Variants in EXOC6B observed in about 807,000 individuals in gnomAD.
EXOC6B encodes SEC15 homolog B.
A neutral mutation model predicts 113.5 loss-of-function variants in EXOC6B; 54 were observed. That is an observed-to-expected ratio of 0.48 (90% CI 0.38 to 0.60). The LOEUF (loss-of-function observed/expected upper bound fraction) is 0.60, where lower values mean the gene tolerates loss of function less well. Among genes scored for constraint, EXOC6B ranks in the 20% least tolerant of loss-of-function variants. The pLI is 0.00. For synonymous variants in EXOC6B, 357 were observed against 339.0 expected (o/e 1.05, Z -0.58); for missense variants, 797 against 977.5 (o/e 0.82, Z 2.46).
intron 6 of EXOC6B, among the ~76,000 whole-genome samples, chr2:72,580,401 C>T (rs1489840772): frequency 1.3e-5 from 2 of 152,030 alleles, no homozygotes; most frequent in Non-Finnish European, 2.9e-5. Context: ...ACTCGGCCTC[C>T]CAAAGTCCTG....
intron 6 of EXOC6B, among the ~76,000 whole-genome samples, chr2:72,634,802 T>A (rs929665683): frequency 1.3e-5 from 2 of 152,070 alleles, no homozygotes; most frequent in Admixed American, 6.6e-5. Flanking sequence ...AACAGAAAAA[T>A]ACCCATTCTT....
intron 20 of EXOC6B, among the ~76,000 whole-genome samples, chr2:72,249,774 A>G (rs1682891937): frequency 6.6e-6 from 1 of 152,202 alleles, no homozygotes; most frequent in South Asian, 2.1e-4. Flanking sequence ...TCAATGGTAC[A>G]GGAAAAAAAT....
chr2:72,292,124 A>G (rs1441117933), intron 20 of EXOC6B, among the ~76,000 whole-genome samples: 1 of 151,890 alleles, frequency 6.6e-6, no homozygotes. Context: ...TCCTGATTCC[A>G]TAGGTATCTG....
chr2:72,624,880 C>T (rs1260430096), intron 6 of EXOC6B, among the ~76,000 whole-genome samples: 2 of 152,040 alleles, frequency 1.3e-5, no homozygotes, highest in Non-Finnish European at 2.9e-5. Flanking sequence ...GAAACAGACA[C>T]CAGTAGGTTA....
intron 8 of EXOC6B, among the ~76,000 whole-genome samples, chr2:72,518,585 A>G (rs892029919): frequency 6.6e-6 from 1 of 151,936 alleles, no homozygotes; most frequent in African/African-American, 2.4e-5. Context: ...TAATTGACGA[A>G]TGAGTCAGAA....
intron 20 of EXOC6B, among the ~76,000 whole-genome samples, chr2:72,324,062 A>T (rs1428596522): frequency 2.6e-5 from 4 of 151,310 alleles, no homozygotes; most frequent in African/African-American, 7.3e-5. Flanking sequence ...ATAAGCATAT[A>T]AAAAAAAAGA....
At chr2:72,618,369 C>CA (rs1210110767) in intron 6 of EXOC6B, among the ~76,000 whole-genome samples, 2 of 151,228 alleles carry the variant, frequency 1.3e-5, no homozygotes, top group South Asian at 2.1e-4. Context: ...AACTCCATCT[C>CA]AAAAAAAAGA....
intron 21 of EXOC6B, among the ~76,000 whole-genome samples, chr2:72,181,296 T>C (rs948225779): frequency 7.9e-5 from 12 of 151,954 alleles, no homozygotes; most frequent in Non-Finnish European, 1.5e-4. Flanking sequence ...GAACATTGAA[T>C]ATAAGGTACG....
At chr2:72,800,876 G>T (rs986990087) in intron 1 of EXOC6B, among the ~76,000 whole-genome samples, 1 of 152,096 alleles carries the variant, frequency 6.6e-6, no homozygotes, top group Non-Finnish European at 1.5e-5. Context: ...CTCTATCAAC[G>T]ATGTAAAATA....
chr2:72,785,883 G>C (rs890817623), intron 1 of EXOC6B, among the ~76,000 whole-genome samples: 3 of 152,130 alleles, frequency 2.0e-5, no homozygotes, highest in Non-Finnish European at 2.9e-5. Flanking sequence ...CTATCACATA[G>C]TCAGGCTGCA....
At position 72,825,367 on chromosome 2, in the gene EXOC6B, G is replaced by C. The variant is rs117479167; in HGVS notation, c.113+431C>G. Among the ~76,000 whole-genome samples the C allele has an allele frequency of 1.2e-4, 19 of 152,316 alleles. No individual in the cohort carries two copies. The East Asian group carries it at 3.7e-3, about 29-fold the overall frequency. On this transcript the variant is annotated intron_variant, in intron 1 of 21. Transcript: ENST00000272427. The surrounding 1 kb of genome is among the most constrained non-coding windows in gnomAD (Gnocchi z 4.4). ...GGCTGTGATTCTGAGGCAAGACTTT[G>C]ATTTCGAGCACTAGACCATGGAGTG... is the stretch of plus-strand genomic sequence containing the variant.
chr2:72,773,836 C>T (rs1336791912), intron 1 of EXOC6B, among the ~76,000 whole-genome samples: 1 of 152,160 alleles, frequency 6.6e-6, no homozygotes, highest in Admixed American at 6.5e-5. Context: ...GAAGAAAACT[C>T]AGCCTCACAA....
intron 3 of EXOC6B, among the ~76,000 whole-genome samples, chr2:72,732,092 T>G (rs1476418048): frequency 6.6e-6 from 1 of 152,212 alleles, no homozygotes; most frequent in Non-Finnish European, 1.5e-5. Flanking sequence ...ATAAAAATAT[T>G]GTAAACTGTG....
At chr2:72,418,887 C>A (rs928228988) in intron 18 of EXOC6B, among the ~76,000 whole-genome samples, 10 of 152,104 alleles carry the variant, frequency 6.6e-5, no homozygotes, top group African/African-American at 1.2e-4. Context: ...TCTGTCCCCC[C>A]CTTATTTCCT....
chr2:72,393,348 C>T (rs1481746232), intron 18 of EXOC6B, among the ~76,000 whole-genome samples: 13 of 151,990 alleles, frequency 8.6e-5, no homozygotes, highest in Admixed American at 8.5e-4. Context: ...CCCACCTTGG[C>T]CTCTCAAAGT....
chr2:72,184,138 T>C lies in EXOC6B; in HGVS notation c.2246A>G (p.Tyr749Cys). The C allele has an allele frequency of 6.4e-7, 1 of 1,564,254 alleles. No individual in the cohort carries two copies. The highest frequency in any genetic ancestry group is 8.7e-7 in the Non-Finnish European group (1 of 1,153,702). The change falls in exon 21 of 22, where the codon TAT (tyrosine) becomes TGT (cysteine). Residue 749 changes from tyrosine (Y) to cysteine (C), a missense_variant. Physicochemically the swap from Tyr to Cys is radical, Grantham distance 194 (BLOSUM62 -2). Coordinates refer to ENST00000272427, the MANE Select transcript of EXOC6B (RefSeq NM_015189.3). ...QWDWSTYLAD[Y>C]GQPNCKYLRV... Reference sequence around the variant, plus strand: ...GAGGTACTTGCAGTTGGGCTGACCATAGTCAGCAAGGTAGGTTGACCAATC... The same window carrying C: ...GAGGTACTTGCAGTTGGGCTGACCACAGTCAGCAAGGTAGGTTGACCAATC...
intron 6 of EXOC6B, among the ~76,000 whole-genome samples, chr2:72,713,479 T>C (rs928476806): frequency 6.6e-6 from 1 of 152,070 alleles, no homozygotes; most frequent in Non-Finnish European, 1.5e-5. Context: ...ACGTGCACAA[T>C]GTGCAGGTTA....
chr2:72,260,166 A>G (rs1683626907), intron 20 of EXOC6B, among the ~76,000 whole-genome samples: 2 of 152,216 alleles, frequency 1.3e-5, no homozygotes, highest in South Asian at 2.1e-4. Flanking sequence ...TAAGGTTTAT[A>G]TATGATAATA....
intron 1 of EXOC6B, among the ~76,000 whole-genome samples, chr2:72,808,380 C>T (rs1397653380): frequency 1.3e-5 from 2 of 152,112 alleles, no homozygotes; most frequent in African/African-American, 4.8e-5. Flanking sequence ...GGTAAAATGA[C>T]ACTAGTAGAC....
Sources: gnomAD v4.1 joint callset for allele counts (sites outside exome capture counted in the v4.1 genomes callset) on GRCh38, gnomAD v4.1.1 for gene constraint, Gnocchi (gnomAD v3.1) non-coding constraint, MANE v1.5 for transcripts, NCBI Gene and HGNC (gene_info 2026-07-23, HGNC 2026-07-21) for gene names.